Variants in LCA5L observed in about 807,000 individuals in gnomAD.
LCA5L encodes lebercilin-like protein.
In LCA5L, 35 loss-of-function variants were observed where a neutral mutation model predicts 45.4. The ratio of observed to expected loss-of-function variants is 0.77; its 90% CI spans 0.59 to 1.02. The LOEUF (loss-of-function observed/expected upper bound fraction) is 1.02, where lower values mean the gene tolerates loss of function less well. LCA5L is among the 50% of genes least tolerant of loss of function. LCA5L has a pLI of 0.00. For synonymous variants in LCA5L, 233 were observed against 264.7 expected (o/e 0.88, Z 1.16); for missense variants, 668 against 761.6 (o/e 0.88, Z 1.45).
chr21:39,405,782 CACAT>C lies in LCA5L; in HGVS notation c.*96_*99del. 4 of 876,570 alleles carry C rather than the reference CACAT, an allele frequency of 4.6e-6. No individual in the cohort carries two copies. The South Asian group carries it at 7.4e-5, about 16-fold the overall frequency. The allele number at this position is 876,570 out of a possible 1,614,324, so 54.3% of individuals were successfully genotyped here. A position where few individuals can be genotyped will look rare whatever the true frequency, so the allele number is the denominator to read the frequency against. ...AAAGTCAATTAAGTACTAAAACACACACATACATACACTCCCTCTCTCACACATT... is the reference window on the plus strand; with the variant it reads ...AAAGTCAATTAAGTACTAAAACACACACATACACTCCCTCTCTCACACATT... On this transcript the variant is annotated 3_prime_UTR_variant, in exon 11 of 11. Coordinates refer to ENST00000288350, the MANE Select transcript of LCA5L (RefSeq NM_152505.4).
intron 7 of LCA5L, among the ~76,000 whole-genome samples, chr21:39,414,713 CCTCTCTCTCTCT>C (rs147915021): frequency 8.3e-6 from 1 of 119,882 alleles, no homozygotes; most frequent in African/African-American, 3.3e-5. Flanking sequence ...TGGTTCTCTC[CCTCTCTCTCTCT>C]CTCTCTCTCT....
chr21:39,423,340 A>G lies in LCA5L; in HGVS notation c.473T>C (p.Leu158Ser). The change falls in exon 6 of 11, where the codon TTA becomes TCA. Residue 158 changes from leucine (L) to serine (S), a missense_variant. Coordinates refer to ENST00000288350, the MANE Select transcript of LCA5L (RefSeq NM_152505.4). The stretch of plus-strand genomic sequence containing the variant: ...TTCCAATTTATGATGCATATCAGCT[A>G]ATTCATTTTTTAGTCCTTTAATTTT... Reference protein sequence around the residue: ...LHKIKGLKNELADMHHKLEAI... With the variant: ...LHKIKGLKNESADMHHKLEAI... 6.2e-7 allele frequency: 1 copy of G among 1,613,098 alleles called. No homozygotes were observed. Among genetic ancestry groups the G allele is most frequent in the Non-Finnish European group, 8.5e-7 (1 of 1,179,838 alleles).
chr21:39,411,979 C>T (rs1308946640), intron 7 of LCA5L, among the ~76,000 whole-genome samples, 177 bp from the exon 8 acceptor site: 1 of 152,176 alleles, frequency 6.6e-6, no homozygotes, highest in African/African-American at 2.4e-5. Context: ...AGTACTAGCT[C>T]TTTAAACAAA....
At position 39,420,726 on chromosome 21, in the gene LCA5L, G is replaced by A. The variant is rs1014658337; in HGVS notation, c.955C>T (p.His319Tyr). ...AATACCTTAAGTTTTTGTTGAAGGT[G>A]TTTTACTTCCACCTGCAGAGTCTTG... is the stretch of plus-strand genomic sequence containing the variant. ...ATKTLQVEVKHLQQKLKEKDR... is the reference protein window; with the variant it reads ...ATKTLQVEVKYLQQKLKEKDR... The change falls in exon 7 of 11, where the codon CAC becomes TAC. Residue 319 changes from histidine to tyrosine, a missense_variant. Coordinates refer to ENST00000288350, the MANE Select transcript of LCA5L (RefSeq NM_152505.4). 7 of 1,612,138 alleles carry A rather than the reference G, an allele frequency of 4.3e-6. No homozygotes were observed. The Middle Eastern group carries it at 4.9e-4, about 114-fold the overall frequency.
In LCA5L at chr21:39,412,752, G is replaced by A. The variant is rs181543579; in HGVS notation, c.976-950C>T. On this transcript the variant is annotated intron_variant, in intron 7 of 10. Coordinates refer to ENST00000288350, the MANE Select transcript of LCA5L (RefSeq NM_152505.4). Reference sequence around the variant, plus strand: ...AAGTCTCAGTGCAAGAGGCCTTGGCGTGGTCCAGGAAAATTGCAAGCCCCT... The same window carrying A: ...AAGTCTCAGTGCAAGAGGCCTTGGCATGGTCCAGGAAAATTGCAAGCCCCT... 2.6e-5 allele frequency among the ~76,000 whole-genome samples: 4 copies of A among 152,316 alleles called. No homozygotes were observed. In the East Asian group the frequency reaches 5.8e-4, roughly 22 times the overall value.
intron 6 of LCA5L, 141 bp from the exon 7 acceptor site, chr21:39,420,984 T>C: frequency 1.8e-6 from 1 of 561,994 alleles, no homozygotes; most frequent in South Asian, 3.6e-5. Context: ...GGGACATATA[T>C]TGGAATGAAG....
At chr21:39,430,043 CAAAA>C (rs961821694) in intron 3 of LCA5L, among the ~76,000 whole-genome samples, 52 of 150,460 alleles carry the variant, frequency 3.5e-4, no homozygotes, top group East Asian at 9.7e-4. Flanking sequence ...AACAAACAAA[CAAAA>C]ACAAAAAGAA....
rs761677740 is a variant in LCA5L at position 39,405,842 on chromosome 21, C to A, written c.*40G>T. 2 of 1,414,830 alleles carry A rather than the reference C, an allele frequency of 1.4e-6. No homozygotes were observed. Among genetic ancestry groups the A allele is most frequent in the Non-Finnish European group, 1.9e-6 (2 of 1,051,048 alleles). 87.6% of individuals were successfully genotyped at this position (1,414,830 alleles called of 1,614,324 possible). The stretch of plus-strand genomic sequence containing the variant: ...AATAAGATGCAAGGCACATAAGCAG[C>A]ATTATATCAAACCAGAATGCATTAG... On this transcript the variant is annotated 3_prime_UTR_variant, in exon 11 of 11. Coordinates refer to ENST00000288350, the MANE Select transcript of LCA5L (RefSeq NM_152505.4).
chr21:39,436,645 C>A (rs531851588), intron 2 of LCA5L, among the ~76,000 whole-genome samples: 1 of 152,226 alleles, frequency 6.6e-6, no homozygotes, highest in African/African-American at 2.4e-5. Context: ...CCATGCCCAA[C>A]TAATTTTTTT....
chr21:39,438,545 A>G (rs1380826873), intron 2 of LCA5L: 8 of 152,204 alleles, frequency 5.3e-5, no homozygotes, highest in African/African-American at 1.9e-4. Context: ...TATGACAAAG[A>G]CCTAATTTCC....
intron 6 of LCA5L, 63 bp downstream of exon 6, chr21:39,422,913 A>C: frequency 6.9e-7 from 1 of 1,457,534 alleles, no homozygotes; most frequent in Non-Finnish European, 9.4e-7. Context: ...ATCCATGATT[A>C]ATTCACACCC....
intron 6 of LCA5L, 136 bp downstream of exon 6, chr21:39,422,840 A>G (rs1472982251): frequency 9.9e-6 from 8 of 810,574 alleles, no homozygotes; most frequent in South Asian, 1.7e-5. Context: ...ATTAGACAAC[A>G]TAATTATTTA....
chr21:39,433,929 T>A (rs1374883023), intron 3 of LCA5L, among the ~76,000 whole-genome samples: 11 of 15,988 alleles, frequency 6.9e-4, no homozygotes, highest in African/African-American at 3.3e-3. Context: ...ACATCCAGCT[T>A]TTTTTTTTTT....
intron 7 of LCA5L, among the ~76,000 whole-genome samples, chr21:39,419,686 T>G (rs1341371941): frequency 1.3e-5 from 2 of 152,094 alleles, no homozygotes; most frequent in Non-Finnish European, 2.9e-5. Context: ...ATGGGATTAG[T>G]GCCCTTGTAA....
rs1437734590 is a variant in LCA5L, at chr21:39,409,615, CAG to C, written c.1282+362_1282+363del. 1.3e-5 allele frequency among the ~76,000 whole-genome samples: 2 copies of C among 151,832 alleles called. No individual in the cohort carries two copies. The highest frequency in any genetic ancestry group is 2.9e-5 in the Non-Finnish European group (2 of 67,952). ...ATGTTTTTTTTTTAATTTTTTGAGACAGAGTCTCACTCTGTCACCCAGGTTGG... is the reference window on the plus strand; with the variant it reads ...ATGTTTTTTTTTTAATTTTTTGAGACAGTCTCACTCTGTCACCCAGGTTGG... On this transcript the variant is annotated intron_variant, in intron 10 of 10. Transcript: ENST00000288350. The surrounding 1 kb of genome is among the most constrained non-coding windows in gnomAD (Gnocchi z 4.2).
rs200013320 is a variant in LCA5L at position 39,431,469 on chromosome 21, A to AT, written c.-91-2259dup. ...AAAGGGTGGTCTTACCATAAAGACA[A>AT]TTTTTTTTTTGTTGGTGGAATGGAT... On this transcript the variant is annotated intron_variant, in intron 3 of 10. Coordinates refer to ENST00000288350, the MANE Select transcript of LCA5L (RefSeq NM_152505.4). 5.0e-4 allele frequency among the ~76,000 whole-genome samples: 75 copies of AT among 149,192 alleles called. 1 individual carries two copies. The highest frequency in any genetic ancestry group is 1.6e-3 in the East Asian group (8 of 5,088).
chr21:39,416,499 T>C (rs1024723736), intron 7 of LCA5L, among the ~76,000 whole-genome samples: 18 of 152,210 alleles, frequency 1.2e-4, no homozygotes, highest in African/African-American at 4.1e-4. Flanking sequence ...AGAATTTTTT[T>C]AGGGAGCCTT....
chr21:39,407,917 G>A (rs948150597), intron 10 of LCA5L: 2 of 152,180 alleles, frequency 1.3e-5, no homozygotes, highest in African/African-American at 4.8e-5. Context: ...TGGCTTTGCC[G>A]GTGAGTTCTG....
chr21:39,413,366 G>A (rs2147264218), intron 7 of LCA5L, among the ~76,000 whole-genome samples: 1 of 152,268 alleles, frequency 6.6e-6, no homozygotes, highest in South Asian at 2.1e-4. Context: ...AGTTAGAAGA[G>A]ACTGAGACAA....
Sources: allele counts gnomAD v4.1 joint callset (sites outside exome capture counted in the v4.1 genomes callset), GRCh38; gene constraint gnomAD v4.1.1; non-coding constraint Gnocchi (gnomAD v3.1); transcripts MANE v1.5; gene names NCBI Gene and HGNC (gene_info 2026-07-23, HGNC 2026-07-21).